Variants in NAV2 observed in about 807,000 individuals in gnomAD.
NAV2 encodes helicase, APC down-regulated 1.
In NAV2, 54 loss-of-function variants were observed where a neutral mutation model predicts 223.2. The ratio of observed to expected loss-of-function variants is 0.24; its 90% CI spans 0.19 to 0.30. The LOEUF is 0.30. Ranked by LOEUF, NAV2 falls within the 10% of genes least tolerant of loss-of-function variation. The pLI, the probability that NAV2 is intolerant of heterozygous loss-of-function variation, is 1.00. For synonymous variants in NAV2, 1,279 were observed against 1,239.3 expected (o/e 1.03, Z -0.67); for missense variants, 2,806 against 3,147.5 (o/e 0.89, Z 2.60).
At chr11:19,862,640 A>T (rs1349802250) in intron 3 of NAV2, among the ~76,000 whole-genome samples, 1 of 152,142 alleles carries the variant, frequency 6.6e-6, no homozygotes, top group Non-Finnish European at 1.5e-5. Context: ...TCCGCTTCTA[A>T]AATTAAAACT....
intron 1 of NAV2, among the ~76,000 whole-genome samples, chr11:19,743,445 C>T (rs371811240): frequency 4.6e-5 from 7 of 152,288 alleles, no homozygotes; most frequent in Admixed American, 2.0e-4. Flanking sequence ...GTCTTCCACC[C>T]GTGCTGTGAG....
At chr11:19,867,597 C>A (rs530542777) in intron 3 of NAV2, among the ~76,000 whole-genome samples, 2 of 150,626 alleles carry the variant, frequency 1.3e-5, no homozygotes, top group South Asian at 4.3e-4. Context: ...CATTCTGCAC[C>A]TTTTTCTAGA....
At chr11:19,560,025 A>C (rs142643541) in intron 1 of NAV2, among the ~76,000 whole-genome samples, 1 of 152,328 alleles carries the variant, frequency 6.6e-6, no homozygotes, top group East Asian at 1.9e-4. Flanking sequence ...CAGGAACCAG[A>C]AGCTGTGCTT....
rs766014676 is a variant in NAV2, at chr11:20,044,124, C to T, written c.3051C>T (p.Asp1017=). The T allele has an allele frequency of 1.5e-5, 24 of 1,614,066 alleles. No individual in the cohort carries two copies. The highest frequency in any genetic ancestry group is 5.5e-5 in the South Asian group (5 of 91,090). The change falls in exon 13 of 38, where the codon GAC becomes GAT. Residue 1017 remains aspartate (D), a synonymous_variant. Coordinates refer to ENST00000349880, the MANE Select transcript of NAV2 (RefSeq NM_145117.5). ...GGCGGAATCCTTCTGATGTGTCTGA[C>T]GAGTCCGACAAAAGCACGTCGGGCA... ...KWRRNPSDVS[D]ESDKSTSGKK... is the part of the protein sequence containing the mutation.
chr11:19,630,424 T>C (rs2047309838), intron 1 of NAV2, among the ~76,000 whole-genome samples: 1 of 152,158 alleles, frequency 6.6e-6, no homozygotes. Flanking sequence ...ACAGTGGTTT[T>C]CAAACTGGAT....
intron 25 of NAV2, among the ~76,000 whole-genome samples, chr11:20,082,361 AT>A (rs2153665755): frequency 6.6e-6 from 1 of 152,274 alleles, no homozygotes; most frequent in South Asian, 2.1e-4. Flanking sequence ...AAGAACTGGA[AT>A]TGTAGAGGAC....
intron 1 of NAV2, among the ~76,000 whole-genome samples, chr11:19,735,783 G>A (rs1023827642): frequency 2.0e-5 from 3 of 152,178 alleles, no homozygotes; most frequent in Non-Finnish European, 4.4e-5. Flanking sequence ...TGGTGTGACT[G>A]TTTCAGGGTA....
intron 1 of NAV2, among the ~76,000 whole-genome samples, chr11:19,529,532 T>C (rs570640341): frequency 2.1e-4 from 32 of 152,350 alleles, no homozygotes; most frequent in African/African-American, 5.3e-4. Flanking sequence ...TTCTTTTTCT[T>C]TGGAGCCCTT....
intron 1 of NAV2, among the ~76,000 whole-genome samples, chr11:19,736,096 G>C (rs1271125299): frequency 6.6e-6 from 1 of 152,208 alleles, no homozygotes; most frequent in South Asian, 2.1e-4. Context: ...GGTTGTGACA[G>C]TTCAAAACAT....
chr11:20,051,595 C>A (rs376032365), intron 17 of NAV2, among the ~76,000 whole-genome samples: 64 of 152,240 alleles, frequency 4.2e-4, no homozygotes, highest in African/African-American at 1.4e-3. Context: ...CTGGGCAAGC[C>A]CAAGGAGCAG....
chr11:19,977,717 T>C (rs551198223), intron 10 of NAV2, among the ~76,000 whole-genome samples: 2 of 152,134 alleles, frequency 1.3e-5, no homozygotes, highest in African/African-American at 4.8e-5. Context: ...TTTCCAGTCA[T>C]ATTTTTGCAT....
At chr11:19,829,750 C>T (rs1382663183) in intron 1 of NAV2, among the ~76,000 whole-genome samples, 1 of 152,160 alleles carries the variant, frequency 6.6e-6, no homozygotes, top group Non-Finnish European at 1.5e-5. Context: ...TTCCTGAGCC[C>T]CAGCATGGAT....
chr11:19,401,112 C>G (rs528341759), intron 1 of NAV2, among the ~76,000 whole-genome samples: 1 of 152,310 alleles, frequency 6.6e-6, no homozygotes, highest in East Asian at 1.9e-4. Flanking sequence ...AATCAATGCT[C>G]TCAGTGCTTC....
At chr11:19,450,378 G>A (rs952519244) in intron 1 of NAV2, among the ~76,000 whole-genome samples, 3 of 152,160 alleles carry the variant, frequency 2.0e-5, no homozygotes, top group Non-Finnish European at 4.4e-5. Flanking sequence ...CTTGAGCCAT[G>A]GAGTGCTGGA....
At chr11:19,899,078 T>C (rs2042232330) in intron 6 of NAV2, among the ~76,000 whole-genome samples, 1 of 152,172 alleles carries the variant, frequency 6.6e-6, no homozygotes, top group South Asian at 2.1e-4. Context: ...TGTGAATGAA[T>C]TCTTCAGTTG....
At chr11:19,564,168 T>C (rs1487194) in intron 1 of NAV2, among the ~76,000 whole-genome samples, 5,431 of 152,048 alleles carry the variant, frequency 0.036, 218 homozygotes, top group East Asian at 0.19. Context: ...GCGGGGGCTT[T>C]GGGGAGTGCA....
intron 1 of NAV2, among the ~76,000 whole-genome samples, chr11:19,625,488 A>G (rs1015112445): frequency 1.3e-5 from 2 of 152,180 alleles, no homozygotes; most frequent in African/African-American, 2.4e-5. Context: ...TAACTTAGCT[A>G]TCATGGACTG....
At chr11:19,487,450 T>C (rs912108483) in intron 1 of NAV2, among the ~76,000 whole-genome samples, 14 of 152,160 alleles carry the variant, frequency 9.2e-5, no homozygotes, top group African/African-American at 3.4e-4. Flanking sequence ...TGCTTCCATA[T>C]GAGGAAGGAT....
At chr11:20,017,291 G>A (rs2153523642) in intron 11 of NAV2, among the ~76,000 whole-genome samples, 1 of 152,226 alleles carries the variant, frequency 6.6e-6, no homozygotes, top group East Asian at 1.9e-4. Context: ...CCACCTTTCA[G>A]CCCCTCCAGC....
Sources: allele counts gnomAD v4.1 joint callset (sites outside exome capture counted in the v4.1 genomes callset), GRCh38; gene constraint gnomAD v4.1.1; transcripts MANE v1.5; gene names NCBI Gene and HGNC (gene_info 2026-07-23, HGNC 2026-07-21).